The following UBAP2 variants were observed in gnomAD, a reference collection of about 807,000 sequenced individuals.
The protein encoded by UBAP2 is ubiquitin-associated protein 2.
In UBAP2, 75 loss-of-function variants were observed where a neutral mutation model predicts 139.6. That is an observed-to-expected ratio of 0.54 (90% CI 0.45 to 0.65). UBAP2 has a LOEUF of 0.65. Among genes scored for constraint, UBAP2 ranks in the 30% least tolerant of loss-of-function variants. UBAP2 has a pLI of 0.00. For missense variants in UBAP2, 1,368 were observed against 1,369.6 expected (o/e 1.00, Z 0.02); for synonymous variants, 526 against 526.2 (o/e 1.00, Z 0.01).
At chr9:34,031,337 T>C (rs992514688) in intron 1 of UBAP2, among the ~76,000 whole-genome samples, 4 of 149,488 alleles carry the variant, frequency 2.7e-5, no homozygotes, top group Non-Finnish European at 5.9e-5. Context: ...CTACTGAAAA[T>C]ACAAATTTAG....
At chr9:34,004,111 T>C (rs1822968936) in intron 2 of UBAP2, among the ~76,000 whole-genome samples, 1 of 152,046 alleles carries the variant, frequency 6.6e-6, no homozygotes, top group South Asian at 2.1e-4. Flanking sequence ...TAAAACCATC[T>C]CCACAAAAAT....
At chr9:34,044,386 GCAAGACTCTGTCTCGA>G (rs1461483423) in intron 1 of UBAP2, among the ~76,000 whole-genome samples, 97 of 151,136 alleles carry the variant, frequency 6.4e-4, no homozygotes, top group African/African-American at 2.2e-3. Flanking sequence ...GGGCAAGAGA[GCAAGACTCTGTCTCGA>G]AAAAAAAAAA....
intron 8 of UBAP2, 137 bp from the exon 9 acceptor site, chr9:33,963,928 T>C (rs1180159588): frequency 9.1e-6 from 6 of 658,370 alleles, no homozygotes; most frequent in African/African-American, 7.2e-5. Flanking sequence ...TTGAAATCCA[T>C]ACTCTTACAG....
At chr9:33,996,476 T>C (rs532910193) in intron 3 of UBAP2, 143 bp from the exon 4 acceptor site, 99 of 586,478 alleles carry the variant, frequency 1.7e-4, no homozygotes, top group African/African-American at 1.6e-3. Context: ...AATGAGGACA[T>C]GTTTACTTAT....
chr9:33,994,512 G>C (rs1231086717), intron 4 of UBAP2: 1 of 143,868 alleles, frequency 7.0e-6, no homozygotes, highest in African/African-American at 2.6e-5. Flanking sequence ...AGGCTCTTCA[G>C]TTCACTTTGA....
chr9:33,928,736 G>A (rs1044897186), intron 19 of UBAP2: 4 of 152,336 alleles, frequency 2.6e-5, no homozygotes, highest in African/African-American at 9.7e-5. Context: ...GGTAGGTGGG[G>A]GGCACACCTA....
intron 2 of UBAP2, among the ~76,000 whole-genome samples, chr9:34,013,871 C>CA (rs1405483883): frequency 6.7e-6 from 1 of 148,438 alleles, no homozygotes; most frequent in Non-Finnish European, 1.5e-5. Flanking sequence ...AGCGAGGCTC[C>CA]ATCTCAAAAA....
chr9:33,928,122 C>G, intron 19 of UBAP2, 130 bp from the exon 20 acceptor site: 1 of 948,800 alleles, frequency 1.1e-6, no homozygotes, highest in Non-Finnish European at 1.5e-6. Context: ...CACCCAGGCT[C>G]CCTTAAGGTG....
chr9:33,983,701 T>C (rs981805271), intron 6 of UBAP2, among the ~76,000 whole-genome samples: 1 of 152,176 alleles, frequency 6.6e-6, no homozygotes, highest in Non-Finnish European at 1.5e-5. Flanking sequence ...TAGGACCTAA[T>C]AAATTAGCAG....
Position 33,963,774 on chromosome 9 carries a change from G to A in UBAP2, c.697C>T (p.His233Tyr), listed in dbSNP as rs1272850406. 1.9e-6 allele frequency: 3 copies of A among 1,612,448 alleles called. No individual in the cohort carries two copies. Among genetic ancestry groups the A allele is most frequent in the Non-Finnish European group, 2.5e-6 (3 of 1,178,742 alleles). Residue 233 changes from histidine to tyrosine, a missense_variant, in exon 9 of 29, where the codon CAC (histidine) becomes TAC (tyrosine). Transcript: ENST00000379238. ...TTTGACAGATCCTGAGCTATGTTGT[G>A]AGTATTTGATGCCAGTTCTGTGGAC... ...DEGTELASNT[H>Y]NIAQDLSNKS... is the part of the protein sequence containing the mutation.
intron 2 of UBAP2, among the ~76,000 whole-genome samples, chr9:34,005,079 A>G (rs1173761977): frequency 1.3e-5 from 2 of 152,008 alleles, no homozygotes; most frequent in Non-Finnish European, 2.9e-5. Flanking sequence ...CCTGGCCAAC[A>G]TGGTGAAACC....
chr9:34,019,971 C>G, intron 1 of UBAP2, among the ~76,000 whole-genome samples: 1 of 151,632 alleles, frequency 6.6e-6, no homozygotes, highest in Non-Finnish European at 1.5e-5. Context: ...ACCAGCCTGA[C>G]CAACATGGTG....
intron 1 of UBAP2, among the ~76,000 whole-genome samples, chr9:34,033,563 A>G (rs192382110): frequency 3.9e-5 from 6 of 152,078 alleles, no homozygotes; most frequent in Non-Finnish European, 5.9e-5. Context: ...ACTATAGTCA[A>G]TAACTTAATT....
chr9:34,041,157 A>G (rs1323335783), intron 1 of UBAP2, among the ~76,000 whole-genome samples: 3 of 152,164 alleles, frequency 2.0e-5, no homozygotes, highest in Non-Finnish European at 1.5e-5. Context: ...TCATACTACT[A>G]TAAGAAATCA....
At chr9:34,000,349 G>C (rs1458971826) in intron 2 of UBAP2, among the ~76,000 whole-genome samples, 1 of 152,074 alleles carries the variant, frequency 6.6e-6, no homozygotes, top group Non-Finnish European at 1.5e-5. Context: ...CTGAAGTTTC[G>C]TTTTCTGATG....
At chr9:34,042,559 G>C (rs1827194151) in intron 1 of UBAP2, among the ~76,000 whole-genome samples, 1 of 151,602 alleles carries the variant, frequency 6.6e-6, no homozygotes, top group Admixed American at 6.6e-5. Flanking sequence ...AGGCCAAGCA[G>C]GAGGATCACT....
chr9:33,940,195 G>A (rs1043011848), intron 16 of UBAP2, among the ~76,000 whole-genome samples: 8 of 152,118 alleles, frequency 5.3e-5, no homozygotes, highest in African/African-American at 1.7e-4. Flanking sequence ...CCACAGTGTC[G>A]TTTCTTTGGC....
Position 33,948,428 on chromosome 9 carries a change from T to C in UBAP2, c.1216A>G (p.Thr406Ala), listed in dbSNP as rs139087111. 3.1e-6 allele frequency: 5 copies of C among 1,613,798 alleles called. No homozygotes were observed. The highest frequency in any genetic ancestry group is 2.2e-5 in the East Asian group (1 of 44,852). Residue 406 changes from threonine to alanine, a missense_variant, in exon 13 of 29, where the codon ACT (threonine) becomes GCT (alanine). By Grantham distance (58) the Thr-to-Ala change is moderately conservative. Transcript: ENST00000379238. ...QNSTSHPTTT[T>A]SWDLKPPTSQ... The stretch of plus-strand genomic sequence containing the variant: ...GTTGGGGGCTTGAGGTCCCAAGAAG[T>C]AGTAGTTGTAGGGTGACTTGTACTA...
chr9:34,046,875 A>G (rs1827651505), intron 1 of UBAP2, among the ~76,000 whole-genome samples: 1 of 152,224 alleles, frequency 6.6e-6, no homozygotes, highest in South Asian at 2.1e-4. Flanking sequence ...TAATACTAAG[A>G]GAGACACTCC....
Sources: gnomAD v4.1 joint callset for allele counts (sites outside exome capture counted in the v4.1 genomes callset) on GRCh38, gnomAD v4.1.1 for gene constraint, MANE v1.5 for transcripts, NCBI Gene and HGNC (gene_info 2026-07-23, HGNC 2026-07-21) for gene names.